The following KNCN variants were observed in gnomAD, a reference collection of about 807,000 sequenced individuals.
The protein encoded by KNCN is kinocilin.
Under a neutral mutation model 10.4 loss-of-function variants are expected in KNCN, and 11 were observed. The observed-to-expected ratio is 1.06, with a 90% CI of 0.67 to 1.75. The LOEUF (loss-of-function observed/expected upper bound fraction) is 1.75. KNCN is among the 40% of genes most tolerant of loss of function. The probability of loss-of-function intolerance (pLI) is 0.00; values close to 1 mark genes in which losing one functional copy is unlikely to be tolerated. For missense variants in KNCN, 172 were observed against 167.1 expected (o/e 1.03, Z -0.16); for synonymous variants, 67 against 71.6 (o/e 0.94, Z 0.33).
chr1:46,550,584 C>T (rs1358443648), intron 1 of KNCN, among the ~76,000 whole-genome samples: 8 of 152,126 alleles, frequency 5.3e-5, no homozygotes, highest in Admixed American at 1.3e-4. Flanking sequence ...AGCGTCACTG[C>T]GGGGCAATCA....
In KNCN at chr1:46,549,556, G is replaced by T. The variant is rs533826418; in HGVS notation, c.221-289C>A. ...GTGGAGATGGCAGCCTGTATGTGGG[G>T]AGCTGAGATGAGGTGGGAGCTGTGC... On this transcript the variant is annotated intron_variant, in intron 2 of 3. Transcript: ENST00000481882. 4.6e-5 allele frequency among the ~76,000 whole-genome samples: 7 copies of T among 152,244 alleles called. No individual in the cohort carries two copies. In the South Asian group the frequency reaches 1.2e-3, roughly 27 times the overall value.
chr1:46,550,066 G>C (rs1465661520), intron 1 of KNCN, 64 bp from the exon 2 acceptor site: 1 of 1,549,592 alleles, frequency 6.5e-7, no homozygotes, highest in East Asian at 2.4e-5. Flanking sequence ...GGCTGTGGGT[G>C]GGCTGGGAGC....
intron 1 of KNCN, among the ~76,000 whole-genome samples, chr1:46,550,730 G>A (rs542906128): frequency 4.6e-5 from 7 of 152,182 alleles, no homozygotes; most frequent in Admixed American, 3.3e-4. Flanking sequence ...TTTACCTGCC[G>A]CCATCAACCC....
Position 46,551,259 on chromosome 1 carries a change from C to T in KNCN, c.-44G>A, listed in dbSNP as rs199758573. ...CTGCCTCCAGCCGGTGCAGTCTGGC[C>T]CCAGAAAAGTCCTGGAAGTTTCTGG... On this transcript the variant is annotated 5_prime_UTR_variant, in exon 1 of 4. Transcript: ENST00000481882. The surrounding 1 kb of genome is among the most constrained non-coding windows in gnomAD (Gnocchi z 4.0). 2 of 1,568,118 alleles carry T rather than the reference C, an allele frequency of 1.3e-6. No individual in the cohort carries two copies. Among genetic ancestry groups the T allele is most frequent in the Non-Finnish European group, 1.7e-6 (2 of 1,163,440 alleles).
rs1032873455 is a variant in KNCN, at chr1:46,549,800, G to A, written c.220+134C>T. On this transcript the variant is annotated intron_variant, in intron 2 of 3. Coordinates refer to ENST00000481882, the MANE Select transcript of KNCN (RefSeq NM_001322255.2). ...CTGCACAACACACACACACACAGCA[G>A]CTCTAACACAGACAGCTAGCGCGGT... 5 of 1,479,346 alleles carry A rather than the reference G, an allele frequency of 3.4e-6. No individual in the cohort carries two copies. The African/African-American group carries it at 5.6e-5, about 16-fold the overall frequency. The allele number at this position is 1,479,346 out of a possible 1,614,324, so 91.6% of individuals were successfully genotyped here.
At position 46,547,743 on chromosome 1, in the gene KNCN, G is replaced by T. The variant is rs373537843; in HGVS notation, c.362C>A (p.Ala121Asp). The T allele has an allele frequency of 9.4e-6, 14 of 1,489,854 alleles. No individual in the cohort carries two copies. The highest frequency in any genetic ancestry group is 5.5e-5 in the South Asian group (4 of 72,446). 92.3% of individuals were successfully genotyped at this position (1,489,854 alleles called of 1,614,324 possible). A position where few individuals can be genotyped will look rare whatever the true frequency, so the allele number is the denominator to read the frequency against. ...LEKLKPGTRG[A>D]EEC ...TCAGACTTTGCCTCAGCATTCCTCAGCCCCCCGGGTCCCCGGCTTCAGCTT... is the reference window on the plus strand; with the variant it reads ...TCAGACTTTGCCTCAGCATTCCTCATCCCCCCGGGTCCCCGGCTTCAGCTT... Residue 121 changes from alanine (A) to aspartate (D), a missense_variant, in exon 4 of 4, where the codon GCT becomes GAT. By Grantham distance (126) the Ala-to-Asp change is moderately radical. Coordinates refer to ENST00000481882, the MANE Select transcript of KNCN (RefSeq NM_001322255.2).
intron 2 of KNCN, 104 bp downstream of exon 2, chr1:46,549,830 C>T (rs1464323558): frequency 8.4e-6 from 13 of 1,543,014 alleles, no homozygotes; most frequent in Middle Eastern, 1.7e-4. Context: ...CGCGGTCTCA[C>T]ACATGGGCTC....
Position 46,551,227 on chromosome 1 carries a change from C to A in KNCN, c.-12G>T. On this transcript the variant is annotated 5_prime_UTR_variant, in exon 1 of 4. Transcript: ENST00000481882. The surrounding 1 kb of genome is among the most constrained non-coding windows in gnomAD (Gnocchi z 4.0). ...ATGGGGATGTCCATGCAGGCCCACCCGGGGCACTGCCTCCAGCCGGTGCAG... is the reference window on the plus strand; with the variant it reads ...ATGGGGATGTCCATGCAGGCCCACCAGGGGCACTGCCTCCAGCCGGTGCAG... 6.2e-7 allele frequency: 1 copy of A among 1,600,778 alleles called. No homozygotes were observed. The highest frequency in any genetic ancestry group is 8.5e-7 in the Non-Finnish European group (1 of 1,174,630).
chr1:46,546,579 G>C lies in KNCN; in HGVS notation c.*1151C>G, dbSNP rs1290384898. The C allele has an allele frequency of 1.3e-5, 2 of 152,270 alleles. No individual in the cohort carries two copies. Among genetic ancestry groups the C allele is most frequent in the Admixed American group, 1.3e-4 (2 of 15,284 alleles). The allele number at this position is 152,270 out of a possible 1,614,324, so 9.4% of individuals were successfully genotyped here. A position where few individuals can be genotyped will look rare whatever the true frequency, so the allele number is the denominator to read the frequency against. On this transcript the variant is annotated 3_prime_UTR_variant, in exon 4 of 4. Transcript: ENST00000481882. ...TGCCTGGAGGGTGCAGGTGTGGAGG[G>C]AGGAACAATGTTTTCTGTGAGGCCA...
chr1:46,548,595 G>A (rs1228327987), intron 3 of KNCN, among the ~76,000 whole-genome samples: 11 of 152,106 alleles, frequency 7.2e-5, no homozygotes, highest in Non-Finnish European at 1.5e-4. Flanking sequence ...TGAGGTATAG[G>A]ACCTGGGGGA....
Position 46,547,385 on chromosome 1 carries a change from T to C in KNCN, c.*345A>G. ...GGCATCCTGGTCATAGTCAGGGCCT[T>C]GGACCCCAAATTCCAGAGAAACAAA... On this transcript the variant is annotated 3_prime_UTR_variant, in exon 4 of 4. Transcript: ENST00000481882. 1.9e-6 allele frequency: 1 copy of C among 516,968 alleles called. No homozygotes were observed. The highest frequency in any genetic ancestry group is 1.5e-5 in the South Asian group (1 of 65,044). The allele number at this position is 516,968 out of a possible 1,614,324, so 32.0% of individuals were successfully genotyped here.
At position 46,547,296 on chromosome 1, in the gene KNCN, C is replaced by T. The variant is rs957973841; in HGVS notation, c.*434G>A. On this transcript the variant is annotated 3_prime_UTR_variant, in exon 4 of 4. Coordinates refer to ENST00000481882, the MANE Select transcript of KNCN (RefSeq NM_001322255.2). ...GGGCTAGACCGTGGGGGTGGAGGGT[C>T]CCTGTCTGTGGTTCTTGTGGGCCTG... 1.4e-5 allele frequency: 6 copies of T among 436,990 alleles called. 1 individual carries two copies. The highest frequency in any genetic ancestry group is 2.3e-5 in the Non-Finnish European group (5 of 218,044). 27.1% of individuals were successfully genotyped at this position (436,990 alleles called of 1,614,324 possible).
At chr1:46,550,115 G>A in intron 1 of KNCN, 113 bp from the exon 2 acceptor site, 2 of 1,530,108 alleles carry the variant, frequency 1.3e-6, no homozygotes, top group Non-Finnish European at 1.8e-6. Context: ...TGCATGGGAG[G>A]AGCACAGTGT....
chr1:46,548,730 C>T (rs1666998880), intron 3 of KNCN, among the ~76,000 whole-genome samples: 1 of 152,202 alleles, frequency 6.6e-6, no homozygotes, highest in South Asian at 2.1e-4. Context: ...AAGGGTCTGA[C>T]TGTGCACCTG....
rs1203573587 is a variant in KNCN, at chr1:46,551,251, A to G, written c.-36T>C. The G allele has an allele frequency of 1.3e-6, 2 of 1,574,380 alleles. No individual in the cohort carries two copies. The highest frequency in any genetic ancestry group is 1.7e-6 in the Non-Finnish European group (2 of 1,166,164). On this transcript the variant is annotated 5_prime_UTR_variant, in exon 1 of 4. Transcript: ENST00000481882. The surrounding 1 kb of genome is among the most constrained non-coding windows in gnomAD (Gnocchi z 4.0). ...CCGGGGCACTGCCTCCAGCCGGTGC[A>G]GTCTGGCCCCAGAAAAGTCCTGGAA...
chr1:46,549,170 A>G (rs1426365545), intron 3 of KNCN, 23 bp downstream of exon 3: 4 of 1,550,080 alleles, frequency 2.6e-6, no homozygotes, highest in Non-Finnish European at 3.5e-6. Context: ...AGAAGGATGG[A>G]CTCGGGAATT....
rs1666952163 is a variant in KNCN at position 46,546,809 on chromosome 1, GC to G, written c.*920del. 6.4e-6 allele frequency: 1 copy of G among 156,878 alleles called. No individual in the cohort carries two copies. 9.7% of individuals were successfully genotyped at this position (156,878 alleles called of 1,614,324 possible). ...TTGTTTTGTGAAAAGGAAGACTTCA[GC>G]CCTGCCTGAAAGGTGGCAAGACAGA... On this transcript the variant is annotated 3_prime_UTR_variant, in exon 4 of 4. Coordinates refer to ENST00000481882, the MANE Select transcript of KNCN (RefSeq NM_001322255.2).
intron 1 of KNCN, among the ~76,000 whole-genome samples, 160 bp downstream of exon 1, chr1:46,550,905 G>A (rs1004969420): frequency 6.6e-6 from 1 of 152,086 alleles, no homozygotes; most frequent in African/African-American, 2.4e-5. Flanking sequence ...CTCCTCTCCC[G>A]CCTGTGCCCC....
chr1:46,550,139 TGTGA>T (rs1667035279), intron 1 of KNCN, 137 bp from the exon 2 acceptor site: 1 of 1,484,748 alleles, frequency 6.7e-7, no homozygotes, highest in Non-Finnish European at 9.1e-7. Context: ...GACTTGGGAC[TGTGA>T]GTGTGTAAAT....
Sources: allele counts gnomAD v4.1 joint callset (sites outside exome capture counted in the v4.1 genomes callset), GRCh38; gene constraint gnomAD v4.1.1; non-coding constraint Gnocchi (gnomAD v3.1); transcripts MANE v1.5; gene names NCBI Gene and HGNC (gene_info 2026-07-23, HGNC 2026-07-21).